Variants in SORCS2 observed in about 807,000 individuals in gnomAD.
The protein encoded by SORCS2 is sortilin related VPS10 domain containing receptor 2.
In SORCS2, 100 loss-of-function variants were observed where a neutral mutation model predicts 141.6. That is an observed-to-expected ratio of 0.71 (90% confidence interval 0.60 to 0.83). The LOEUF (loss-of-function observed/expected upper bound fraction) is 0.83, where lower values mean the gene tolerates loss of function less well. Ranked by LOEUF, SORCS2 falls within the 40% of genes least tolerant of loss-of-function variation. SORCS2 has a pLI of 0.00. For missense variants in SORCS2, 1,646 were observed against 1,560.2 expected, an observed-to-expected ratio of 1.05 and a Z score of -0.93; for synonymous variants, 789 against 676.9, an observed-to-expected ratio of 1.17 and a Z score of -2.57.
intron 2 of SORCS2, among the ~76,000 whole-genome samples, chr4:7,448,193 C>T (rs758396104): frequency 2.0e-4 from 30 of 152,154 alleles, no homozygotes; most frequent in Non-Finnish European, 3.7e-4. Flanking sequence ...GCTCCGGGCC[C>T]TGTGGCGTGC....
At chr4:7,268,843 C>A (rs567788915) in intron 1 of SORCS2, among the ~76,000 whole-genome samples, 109 of 151,282 alleles carry the variant, frequency 7.2e-4, no homozygotes, top group African/African-American at 2.4e-3. Flanking sequence ...CTGGAGGGGA[C>A]CTCAGCTTAG....
intron 1 of SORCS2, among the ~76,000 whole-genome samples, chr4:7,320,075 G>A (rs534636588): frequency 4.1e-4 from 63 of 152,226 alleles, no homozygotes; most frequent in African/African-American, 1.4e-3. Flanking sequence ...GGCCGAGGAG[G>A]GTGTATCCCT....
intron 10 of SORCS2, among the ~76,000 whole-genome samples, chr4:7,688,487 G>A (rs1240959551): frequency 6.6e-6 from 1 of 152,192 alleles, no homozygotes; most frequent in East Asian, 1.9e-4. Context: ...CTTGCCCAGG[G>A]GAAGGGCTGG....
intron 3 of SORCS2, among the ~76,000 whole-genome samples, chr4:7,621,563 CTGTGTGTGTATA>C (rs1217620681): frequency 9.4e-5 from 14 of 148,290 alleles, no homozygotes; most frequent in African/African-American, 3.2e-4. Context: ...GTTTGTGTGT[CTGTGTGTGTATA>C]TGTGTGTGTT....
chr4:7,729,524 C>G, intron 22 of SORCS2, 63 bp from the exon 23 acceptor site: 1 of 1,529,948 alleles, frequency 6.5e-7, no homozygotes, highest in South Asian at 1.2e-5. Context: ...TTCCTGGGGG[C>G]CCCAGTATGA....
chr4:7,682,743 G>C lies in SORCS2; in HGVS notation c.1342G>C (p.Val448Leu), dbSNP rs1193790612. ...EESVLIDILE[V>L]RGVKGVFLAN... ...AGTCCTTCTTTTATTTTTGTCCCAG[G>C]TCAGAGGGGTGAAAGGAGTCTTCCT... The change falls in exon 10 of 27, where the codon GTC (valine) becomes CTC (leucine). Residue 448 changes from valine to leucine, a missense_variant and splice_region_variant. Coordinates refer to ENST00000507866, the MANE Select transcript of SORCS2 (RefSeq NM_020777.3). 1 of 1,607,926 alleles carries C rather than the reference G, an allele frequency of 6.2e-7. No individual in the cohort carries two copies. Among genetic ancestry groups the C allele is most frequent in the South Asian group, 1.1e-5 (1 of 89,636 alleles).
chr4:7,451,368 C>T (rs913550822), intron 2 of SORCS2, among the ~76,000 whole-genome samples: 2 of 152,252 alleles, frequency 1.3e-5, no homozygotes, highest in East Asian at 3.8e-4. Context: ...CACTGCCCTC[C>T]CTTGGCCTCA....
rs1577559142 is a variant in SORCS2, at chr4:7,435,007, C to G, written c.548+38652C>G. On this transcript the variant is annotated intron_variant, in intron 2 of 26. Transcript: ENST00000507866. ...CCTCCTGGCCACTCCCACAGCCTGA[C>G]TCACACCCTGTGCCCGGGGATTCCT... 5.0e-6 allele frequency: 6 copies of G among 1,194,170 alleles called. No individual in the cohort carries two copies. In the East Asian group the frequency reaches 1.5e-4, roughly 31 times the overall value. The allele number at this position is 1,194,170 out of a possible 1,614,324, so 74.0% of individuals were successfully genotyped here. A position where few individuals can be genotyped will look rare whatever the true frequency, so the allele number is the denominator to read the frequency against.
intron 3 of SORCS2, among the ~76,000 whole-genome samples, chr4:7,573,374 T>G (rs1194019163): frequency 6.6e-6 from 1 of 152,212 alleles, no homozygotes; most frequent in Non-Finnish European, 1.5e-5. Context: ...GGTTACTGTG[T>G]GGCAATGCAG....
chr4:7,352,814 A>G (rs1369557506), intron 1 of SORCS2, among the ~76,000 whole-genome samples: 1 of 152,186 alleles, frequency 6.6e-6, no homozygotes, highest in Non-Finnish European at 1.5e-5. Context: ...TGTTTCAGAA[A>G]GAAAACTTTG....
intron 25 of SORCS2, among the ~76,000 whole-genome samples, chr4:7,736,865 T>C (rs531712434): frequency 1.3e-5 from 2 of 152,180 alleles, no homozygotes; most frequent in Admixed American, 1.3e-4. Context: ...CAAGGGAGCA[T>C]GCAGGAGGGA....
intron 2 of SORCS2, among the ~76,000 whole-genome samples, chr4:7,416,948 GCA>G (rs1333487491): frequency 1.3e-5 from 2 of 151,780 alleles, no homozygotes; most frequent in Non-Finnish European, 2.9e-5. Flanking sequence ...ACATACTCTC[GCA>G]CACACACACC....
chr4:7,270,678 C>T lies in SORCS2; in HGVS notation c.480+77552C>T, dbSNP rs116395158. 3.9e-3 allele frequency among the ~76,000 whole-genome samples: 588 copies of T among 152,322 alleles called. 2 individuals are homozygous for T. Among genetic ancestry groups the T allele is most frequent in the African/African-American group, 0.014 (563 of 41,566 alleles). ...AGATCCCTCCTAGATCCATCCGTTGCCCTTCAAGCCACTGTCAAGGAGGTG... is the reference window on the plus strand; with the variant it reads ...AGATCCCTCCTAGATCCATCCGTTGTCCTTCAAGCCACTGTCAAGGAGGTG... On this transcript the variant is annotated intron_variant, in intron 1 of 26. Transcript: ENST00000507866.
intron 14 of SORCS2, among the ~76,000 whole-genome samples, chr4:7,706,091 A>T (rs750541892): frequency 1.6e-5 from 1 of 61,408 alleles, no homozygotes. Context: ...GCCTGGACAG[A>T]GATGAGGCTG....
chr4:7,605,010 A>G lies in SORCS2; in HGVS notation c.649-33318A>G, dbSNP rs79895382. On this transcript the variant is annotated intron_variant, in intron 3 of 26. Coordinates refer to ENST00000507866, the MANE Select transcript of SORCS2 (RefSeq NM_020777.3). The stretch of plus-strand genomic sequence containing the variant: ...TCAGCCACGAATAATGTAAAATCTC[A>G]AACCAGAGTGACTTAATCAGGATAG... Among the ~76,000 whole-genome samples, 1,006 of 152,332 alleles carry G rather than the reference A, an allele frequency of 6.6e-3. 3 individuals are homozygous for G. Among genetic ancestry groups the G allele is most frequent in the Non-Finnish European group, 0.01 (708 of 68,018 alleles).
chr4:7,258,753 A>G (rs1164071980), intron 1 of SORCS2, among the ~76,000 whole-genome samples: 3 of 152,018 alleles, frequency 2.0e-5, no homozygotes, highest in East Asian at 1.9e-4. Flanking sequence ...ACTAATTTAC[A>G]CTCCCGCCAA....
chr4:7,197,568 G>A (rs1727244449), intron 1 of SORCS2, among the ~76,000 whole-genome samples: 1 of 152,210 alleles, frequency 6.6e-6, no homozygotes, highest in African/African-American at 2.4e-5. Flanking sequence ...TAGGTGGAGT[G>A]TATAGGAGAT....
intron 2 of SORCS2, among the ~76,000 whole-genome samples, chr4:7,527,583 C>A (rs1733775394): frequency 6.6e-6 from 1 of 152,164 alleles, no homozygotes; most frequent in Non-Finnish European, 1.5e-5. Context: ...CCTGTAAGAC[C>A]CCCTGCAGAC....
At chr4:7,577,342 A>T (rs1357662666) in intron 3 of SORCS2, among the ~76,000 whole-genome samples, 1 of 152,374 alleles carries the variant, frequency 6.6e-6, no homozygotes, top group East Asian at 1.9e-4. Flanking sequence ...AGGTGAAGTC[A>T]GGTGATACAG....
Sources: gnomAD v4.1 joint callset for allele counts (sites outside exome capture counted in the v4.1 genomes callset) on GRCh38, gnomAD v4.1.1 for gene constraint, MANE v1.5 for transcripts, NCBI Gene and HGNC (gene_info 2026-07-23, HGNC 2026-07-21) for gene names.